Variants in HCN1 observed in about 807,000 individuals in gnomAD.
HCN1 encodes the protein hyperpolarization activated cyclic nucleotide gated potassium channel 1.
In HCN1, 13 loss-of-function variants were observed where a neutral mutation model predicts 78.9. That is an observed-to-expected ratio of 0.16 (90% CI 0.11 to 0.26). HCN1 has a LOEUF of 0.26. HCN1 is among the 10% of genes least tolerant of loss of function. HCN1 has a pLI of 1.00. For missense variants in HCN1, 810 were observed against 1,154.3 expected (o/e 0.70, Z 4.32); for synonymous variants, 552 against 455.5 (o/e 1.21, Z -2.70).
At chr5:45,461,500 T>G (rs1209484664) in intron 3 of HCN1, among the ~76,000 whole-genome samples, 1 of 152,118 alleles carries the variant, frequency 6.6e-6, no homozygotes. Context: ...AAAATGTTGA[T>G]GAAATAAGGC....
At chr5:45,478,464 G>A (rs1244127392) in intron 2 of HCN1, among the ~76,000 whole-genome samples, 2 of 152,150 alleles carry the variant, frequency 1.3e-5, no homozygotes, top group Admixed American at 1.3e-4. Context: ...GTCCGAAGAG[G>A]AACAAGGGTT....
chr5:45,526,027 A>G (rs1742729916), intron 2 of HCN1, among the ~76,000 whole-genome samples: 1 of 151,846 alleles, frequency 6.6e-6, no homozygotes, highest in Non-Finnish European at 1.5e-5. Flanking sequence ...GGCAAACCAA[A>G]AGAGGCCCCT....
intron 3 of HCN1, among the ~76,000 whole-genome samples, chr5:45,450,297 C>T (rs760878595): frequency 1.3e-5 from 2 of 152,092 alleles, no homozygotes; most frequent in Non-Finnish European, 2.9e-5. Flanking sequence ...TTTGATTTTA[C>T]CCAATCATCT....
intron 6 of HCN1, among the ~76,000 whole-genome samples, chr5:45,288,525 G>T (rs1745311943): frequency 6.6e-6 from 1 of 152,014 alleles, no homozygotes; most frequent in African/African-American, 2.4e-5. Flanking sequence ...GCCCCTGGGT[G>T]TTACACATGT....
chr5:45,643,472 G>A (rs1325269441), intron 2 of HCN1: 3 of 152,038 alleles, frequency 2.0e-5, no homozygotes, highest in Admixed American at 1.3e-4. Context: ...TCTTACTTAA[G>A]AAAAGTTCCC....
At chr5:45,436,585 T>G (rs1740563992) in intron 3 of HCN1, among the ~76,000 whole-genome samples, 2 of 152,202 alleles carry the variant, frequency 1.3e-5, no homozygotes, top group South Asian at 4.1e-4. Flanking sequence ...CTTTACTCAA[T>G]CTCAGTTTGC....
chr5:45,554,777 A>G (rs1042093373), intron 2 of HCN1, among the ~76,000 whole-genome samples: 3 of 151,788 alleles, frequency 2.0e-5, no homozygotes, highest in African/African-American at 7.3e-5. Context: ...TGACCTTAAA[A>G]TGTGGTTATC....
At chr5:45,610,955 T>TA (rs1744820974) in intron 2 of HCN1, among the ~76,000 whole-genome samples, 1 of 151,958 alleles carries the variant, frequency 6.6e-6, no homozygotes, top group Admixed American at 6.6e-5. Flanking sequence ...TTAATAATAA[T>TA]AAAAAACAAC....
At chr5:45,624,491 AC>A (rs1745126076) in intron 2 of HCN1, among the ~76,000 whole-genome samples, 1 of 152,170 alleles carries the variant, frequency 6.6e-6, no homozygotes, top group African/African-American at 2.4e-5. Flanking sequence ...TCACTTGCAT[AC>A]CCTGAGAATG....
chr5:45,685,169 G>A (rs1739780047), intron 1 of HCN1, among the ~76,000 whole-genome samples: 1 of 152,014 alleles, frequency 6.6e-6, no homozygotes, highest in Non-Finnish European at 1.5e-5. Context: ...AAAAAGAAAA[G>A]GAAAGATTTA....
At chr5:45,319,020 A>G (rs1746065253) in intron 5 of HCN1, among the ~76,000 whole-genome samples, 1 of 151,842 alleles carries the variant, frequency 6.6e-6, no homozygotes, top group Non-Finnish European at 1.5e-5. Context: ...TGTAAGTGGG[A>G]GTTGATTCTT....
chr5:45,373,567 TTATA>T (rs1175875013), intron 4 of HCN1, among the ~76,000 whole-genome samples: 1 of 139,216 alleles, frequency 7.2e-6, no homozygotes, highest in African/African-American at 2.7e-5. Context: ...ATTACATACA[TTATA>T]TACGTCATCT....
In HCN1 at chr5:45,261,075, T is replaced by C. The variant is rs1744728487; in HGVS notation, c.*846A>G. 6.6e-6 allele frequency: 1 copy of C among 152,638 alleles called. No homozygotes were observed. Among genetic ancestry groups the C allele is most frequent in the Admixed American group, 6.5e-5 (1 of 15,280 alleles). The allele number at this position is 152,638 out of a possible 1,614,324, so 9.5% of individuals were successfully genotyped here. A position where few individuals can be genotyped will look rare whatever the true frequency, so the allele number is the denominator to read the frequency against. On this transcript the variant is annotated 3_prime_UTR_variant, in exon 8 of 8. Transcript: ENST00000303230. ...AAGCCATTGCATTACAATTGAATAA[T>C]TCTCACAATCAGGTTTTGTAAAATT...
intron 1 of HCN1, among the ~76,000 whole-genome samples, chr5:45,688,794 T>C (rs376124616): frequency 7.2e-5 from 11 of 152,124 alleles, no homozygotes; most frequent in African/African-American, 2.7e-4. Context: ...GGAATGTTAT[T>C]CAGCAAGGAA....
intron 2 of HCN1, among the ~76,000 whole-genome samples, chr5:45,577,068 G>C (rs1225678346): frequency 6.6e-6 from 1 of 151,930 alleles, no homozygotes; most frequent in East Asian, 1.9e-4. Flanking sequence ...ATTTTGGAAG[G>C]GTTGGAGTTA....
chr5:45,667,289 C>T (rs918680046), intron 1 of HCN1, among the ~76,000 whole-genome samples: 1 of 151,960 alleles, frequency 6.6e-6, no homozygotes, highest in Non-Finnish European at 1.5e-5. Context: ...TCCAGAGACC[C>T]ATGCTGGTCC....
rs367667459 is a variant in HCN1 at position 45,278,106 on chromosome 5, C to T, written c.1619-10853G>A. Among the ~76,000 whole-genome samples, 18 of 152,070 alleles carry T rather than the reference C, an allele frequency of 1.2e-4. 1 individual carries two copies. Among genetic ancestry groups the T allele is most frequent in the African/African-American group, 4.3e-4 (18 of 41,428 alleles). On this transcript the variant is annotated intron_variant, in intron 6 of 7. Transcript: ENST00000303230. ...CTATCATCAGTTAATCTGATCTTTA[C>T]TTTGTGTCATCCCCCTGAGTGCCTG... is the stretch of plus-strand genomic sequence containing the variant.
intron 5 of HCN1, among the ~76,000 whole-genome samples, chr5:45,350,889 T>G (rs1746884054): frequency 6.6e-6 from 1 of 152,234 alleles, no homozygotes; most frequent in South Asian, 2.1e-4. Context: ...TACAAACAAA[T>G]GGAAGAACAT....
intron 5 of HCN1, among the ~76,000 whole-genome samples, chr5:45,328,101 A>T (rs1746271749): frequency 6.6e-6 from 1 of 151,608 alleles, no homozygotes; most frequent in Non-Finnish European, 1.5e-5. Flanking sequence ...CGATGCCTGA[A>T]ATCTCAGACA....
Sources: gnomAD v4.1 joint callset for allele counts (sites outside exome capture counted in the v4.1 genomes callset) on GRCh38, gnomAD v4.1.1 for gene constraint, MANE v1.5 for transcripts, NCBI Gene and HGNC (gene_info 2026-07-23, HGNC 2026-07-21) for gene names.